LMTK2: variants seen among roughly 807,000 people sequenced by gnomAD.
LMTK2 encodes lemur tail kinase 2.
In LMTK2, 37 loss-of-function variants were observed where a neutral mutation model predicts 127.5. That is an observed-to-expected ratio of 0.29 (90% CI 0.22 to 0.38). The LOEUF (loss-of-function observed/expected upper bound fraction) is 0.38. Among genes scored for constraint, LMTK2 ranks in the 10% least tolerant of loss-of-function variants. LMTK2 has a pLI of 1.00. For missense variants in LMTK2, 1,694 were observed against 1,920.3 expected, an observed-to-expected ratio of 0.88 and a Z score of 2.20; for synonymous variants, 819 against 810.1, an observed-to-expected ratio of 1.01 and a Z score of -0.19.
intron 5 of LMTK2, among the ~76,000 whole-genome samples, chr7:98,157,419 G>A (rs1488749997): frequency 1.3e-5 from 2 of 151,978 alleles, no homozygotes; most frequent in African/African-American, 4.8e-5. Context: ...GCCCAGCCAA[G>A]GTGACACACA....
chr7:98,199,949 T>A (rs1031995734), intron 11 of LMTK2, among the ~76,000 whole-genome samples: 1 of 152,252 alleles, frequency 6.6e-6, no homozygotes, highest in African/African-American at 2.4e-5. Context: ...TTTAATGGTA[T>A]GTTTAGATCA....
At chr7:98,133,024 T>A (rs1584253319) in intron 1 of LMTK2, among the ~76,000 whole-genome samples, 1 of 152,362 alleles carries the variant, frequency 6.6e-6, no homozygotes, top group East Asian at 1.9e-4. Flanking sequence ...TTCTCAAGTT[T>A]TCTGCTTATT....
In LMTK2 at chr7:98,135,407, G is replaced by T. The variant is rs138392339; in HGVS notation, c.104-1908G>T. On this transcript the variant is annotated intron_variant, in intron 1 of 13. Coordinates refer to ENST00000297293, the MANE Select transcript of LMTK2 (RefSeq NM_014916.4). ...AGCTCACTGCAGCCTCCTCCTCCTG[G>T]GCTGAAGCCATCCTCCCACTCAGGC... 3.7e-3 allele frequency among the ~76,000 whole-genome samples: 568 copies of T among 152,030 alleles called. 6 individuals are homozygous for T. The highest frequency in any genetic ancestry group is 0.013 in the African/African-American group (523 of 41,454).
In LMTK2 at chr7:98,151,362, T is replaced by C; in HGVS notation, c.377-20T>C. ...TATTTAGATACTTATATTTCATTTT[T>C]AATGTTTTTTTCTCTACAGAGGGAT... On this transcript the variant is annotated intron_variant, in intron 3 of 13. Transcript: ENST00000297293. 5.8e-6 allele frequency: 9 copies of C among 1,547,160 alleles called. No homozygotes were observed. The highest frequency in any genetic ancestry group is 6.2e-6 in the Non-Finnish European group (7 of 1,122,628).
intron 4 of LMTK2, 146 bp downstream of exon 4, chr7:98,151,601 C>T (rs1562906561): frequency 1.1e-5 from 7 of 610,996 alleles, no homozygotes; most frequent in Non-Finnish European, 2.0e-5. Context: ...CCTGTGGCAG[C>T]GTGGGGGCGT....
At chr7:98,199,784 C>T (rs943439380) in intron 11 of LMTK2, among the ~76,000 whole-genome samples, 3 of 152,236 alleles carry the variant, frequency 2.0e-5, no homozygotes, top group Non-Finnish European at 2.9e-5. Context: ...CGTGAGCCAC[C>T]GCTCCTGGCC....
In LMTK2 at chr7:98,172,243, C is replaced by T. The variant is rs1034973728; in HGVS notation, c.791+569C>T. ...CAGGGGCTGCTTGTGAGCAGCACAG[C>T]GATCTGTGTAGCACATTTCTGTTGC... On this transcript the variant is annotated intron_variant, in intron 7 of 13. Coordinates refer to ENST00000297293, the MANE Select transcript of LMTK2 (RefSeq NM_014916.4). Among the ~76,000 whole-genome samples, 8 of 151,296 alleles carry T rather than the reference C, an allele frequency of 5.3e-5. No homozygotes were observed. The East Asian group carries it at 7.8e-4, about 15-fold the overall frequency.
rs1562916313 is a variant in LMTK2, at chr7:98,179,590, CTTCCCTCT to C, written c.792-5460_792-5453del. Among the ~76,000 whole-genome samples, 171 of 140,698 alleles carry C rather than the reference CTTCCCTCT, an allele frequency of 1.2e-3. 1 individual carries two copies. The highest frequency in any genetic ancestry group is 2.8e-3 in the African/African-American group (110 of 39,020). 92.3% of individuals were successfully genotyped at this position (140,698 alleles called of 152,430 possible). On this transcript the variant is annotated intron_variant, in intron 7 of 13. Transcript: ENST00000297293. ...CATGTTCCTCCTCCCTCTCTCCCTC[CTTCCCTCT>C]CTCCCTCCCTCCCTTTCTCCCTCCC...
intron 11 of LMTK2, among the ~76,000 whole-genome samples, chr7:98,196,446 C>T (rs946374122): frequency 9.9e-5 from 15 of 152,158 alleles, no homozygotes; most frequent in Admixed American, 2.0e-4. Context: ...CTTTCTCCAC[C>T]GTCTCTGTGA....
Position 98,194,585 on chromosome 7 carries a change from T to C in LMTK2, c.4107+13T>C, listed in dbSNP as rs1394610665. 6.3e-7 allele frequency: 1 copy of C among 1,587,320 alleles called. No homozygotes were observed. Among genetic ancestry groups the C allele is most frequent in the Admixed American group, 1.7e-5 (1 of 58,418 alleles). On this transcript the variant is annotated intron_variant, in intron 11 of 13. Coordinates refer to ENST00000297293, the MANE Select transcript of LMTK2 (RefSeq NM_014916.4). The surrounding 1 kb of genome is among the most constrained non-coding windows in gnomAD (Gnocchi z 5.4). ...CCTGTTTGACCAGGTATCTGTTCCC[T>C]CTAAATCATTTTCTATACACATCCA... is the stretch of plus-strand genomic sequence containing the variant.
intron 2 of LMTK2, among the ~76,000 whole-genome samples, chr7:98,137,936 A>G (rs888714308): frequency 1.3e-5 from 2 of 152,178 alleles, no homozygotes; most frequent in African/African-American, 4.8e-5. Context: ...AGGCAGAGGG[A>G]TCCCCCAGTG....
intron 1 of LMTK2, among the ~76,000 whole-genome samples, chr7:98,117,535 A>G (rs1215914428): frequency 6.8e-6 from 1 of 146,050 alleles, no homozygotes; most frequent in Admixed American, 6.8e-5. Context: ...ACATATCCTC[A>G]TTTTTTTTTT....
intron 3 of LMTK2, among the ~76,000 whole-genome samples, chr7:98,144,049 T>A (rs911127531): frequency 4.6e-5 from 7 of 152,234 alleles, no homozygotes; most frequent in Non-Finnish European, 1.0e-4. Context: ...TCTACCATTT[T>A]TTTCTTTTTT....
chr7:98,162,692 A>C (rs1797032710), intron 6 of LMTK2, among the ~76,000 whole-genome samples: 5 of 152,204 alleles, frequency 3.3e-5, no homozygotes, highest in Non-Finnish European at 5.9e-5. Flanking sequence ...TTGATCAATA[A>C]AATTTTTTAA....
chr7:98,138,618 G>T (rs1420179699), intron 2 of LMTK2, among the ~76,000 whole-genome samples: 1 of 152,204 alleles, frequency 6.6e-6, no homozygotes, highest in Non-Finnish European at 1.5e-5. Flanking sequence ...ACTAGTAGTA[G>T]GGGCACAGTT....
rs1257886672 is a variant in LMTK2, at chr7:98,122,720, GTGTGTGTA to G, written c.104-14593_104-14586del. ...TGTGTGTGTGTGTGTGTGTGTGTGT[GTGTGTGTA>G]TATATATAACTGGATCTCACTCTGT... On this transcript the variant is annotated intron_variant, in intron 1 of 13. Transcript: ENST00000297293. 4.3e-4 allele frequency among the ~76,000 whole-genome samples: 26 copies of G among 60,862 alleles called. 1 individual carries two copies. Among genetic ancestry groups the G allele is most frequent in the East Asian group, 3.2e-3 (6 of 1,858 alleles). 39.9% of individuals were successfully genotyped at this position (60,862 alleles called of 152,430 possible). A position where few individuals can be genotyped will look rare whatever the true frequency, so the allele number is the denominator to read the frequency against.
intron 6 of LMTK2, among the ~76,000 whole-genome samples, chr7:98,169,261 G>A (rs564477578): frequency 9.8e-5 from 15 of 152,304 alleles, no homozygotes; most frequent in African/African-American, 3.4e-4. Flanking sequence ...TGCCTGGAAT[G>A]TACTGATTTT....
intron 13 of LMTK2, among the ~76,000 whole-genome samples, chr7:98,204,533 G>A (rs1196009542): frequency 6.6e-6 from 1 of 152,232 alleles, no homozygotes; most frequent in African/African-American, 2.4e-5. Flanking sequence ...AGGCTGAGGT[G>A]GGAGGAATGC....
chr7:98,170,038 A>G (rs1797160889), intron 6 of LMTK2, among the ~76,000 whole-genome samples: 1 of 152,228 alleles, frequency 6.6e-6, no homozygotes, highest in Non-Finnish European at 1.5e-5. Flanking sequence ...TATAAAATAC[A>G]TTGATGTTGT....
Sources: gnomAD v4.1 joint callset for allele counts (sites outside exome capture counted in the v4.1 genomes callset) on GRCh38, gnomAD v4.1.1 for gene constraint, Gnocchi (gnomAD v3.1) non-coding constraint, MANE v1.5 for transcripts, NCBI Gene and HGNC (gene_info 2026-07-23, HGNC 2026-07-21) for gene names.